The following CCSER1 variants were observed in gnomAD, a reference collection of about 807,000 sequenced individuals.
CCSER1 encodes serine-rich coiled-coil domain-containing protein 1.
In CCSER1, 41 loss-of-function variants were observed where a neutral mutation model predicts 82.0. That is an observed-to-expected ratio of 0.50 (90% CI 0.39 to 0.65). The LOEUF (loss-of-function observed/expected upper bound fraction) is 0.65, where lower values mean the gene tolerates loss of function less well. CCSER1 is among the 30% of genes least tolerant of loss of function. CCSER1 has a pLI of 0.00. For synonymous variants in CCSER1, 414 were observed against 383.9 expected, an observed-to-expected ratio of 1.08 and a Z score of -0.92; for missense variants, 1,119 against 1,064.2, an observed-to-expected ratio of 1.05 and a Z score of -0.72.
chr4:90,150,456 T>C (rs1726620507), intron 1 of CCSER1, among the ~76,000 whole-genome samples: 1 of 152,156 alleles, frequency 6.6e-6, no homozygotes, highest in Admixed American at 6.6e-5. Flanking sequence ...TGCATCTTGC[T>C]GCTTTAAGTA....
intron 7 of CCSER1, among the ~76,000 whole-genome samples, chr4:90,759,528 A>G (rs576111351): frequency 1.3e-5 from 2 of 152,306 alleles, no homozygotes; most frequent in African/African-American, 4.8e-5. Context: ...AACAAACAAA[A>G]TGATTTGTAG....
At chr4:90,334,353 A>C (rs576626610) in intron 3 of CCSER1, among the ~76,000 whole-genome samples, 2 of 151,630 alleles carry the variant, frequency 1.3e-5, no homozygotes, top group Non-Finnish European at 3.0e-5. Flanking sequence ...GCACAAACAG[A>C]TAGGCCTTCT....
At chr4:90,225,219 C>T (rs887038645) in intron 1 of CCSER1, among the ~76,000 whole-genome samples, 1 of 139,456 alleles carries the variant, frequency 7.2e-6, no homozygotes, top group African/African-American at 2.8e-5. Flanking sequence ...TGCACACCAG[C>T]ATACCCGGCT....
At chr4:90,133,002 C>T (rs546401231) in intron 1 of CCSER1, among the ~76,000 whole-genome samples, 1 of 152,046 alleles carries the variant, frequency 6.6e-6, no homozygotes, top group Non-Finnish European at 1.5e-5. Flanking sequence ...TGTTAAAATG[C>T]CATATCTGGA....
At chr4:90,182,808 A>C (rs1733958040) in intron 1 of CCSER1, among the ~76,000 whole-genome samples, 1 of 152,094 alleles carries the variant, frequency 6.6e-6, no homozygotes, top group Non-Finnish European at 1.5e-5. Context: ...CAGAAGGAAA[A>C]TTGCATTTGT....
intron 10 of CCSER1, among the ~76,000 whole-genome samples, chr4:91,509,401 C>G (rs1219936822): frequency 1.3e-5 from 2 of 151,970 alleles, no homozygotes; most frequent in African/African-American, 4.8e-5. Context: ...CAATTTTTCT[C>G]TTATTACATT....
At chr4:91,026,178 C>T (rs1212905166) in intron 9 of CCSER1, among the ~76,000 whole-genome samples, 2 of 152,200 alleles carry the variant, frequency 1.3e-5, no homozygotes, top group East Asian at 1.9e-4. Flanking sequence ...ACATGCATGA[C>T]ACCTAAAACT....
At chr4:91,208,017 T>A (rs556163789) in intron 10 of CCSER1, among the ~76,000 whole-genome samples, 1 of 152,014 alleles carries the variant, frequency 6.6e-6, no homozygotes, top group Non-Finnish European at 1.5e-5. Context: ...GTTGACCACA[T>A]GTATGTCTTC....
At chr4:90,849,534 A>G (rs1290488091) in intron 8 of CCSER1, among the ~76,000 whole-genome samples, 2 of 152,160 alleles carry the variant, frequency 1.3e-5, no homozygotes, top group African/African-American at 4.8e-5. Flanking sequence ...TCATGCCTGC[A>G]ATCCCAGCAC....
At chr4:91,101,554 G>A (rs1217430925) in intron 10 of CCSER1, among the ~76,000 whole-genome samples, 1 of 151,474 alleles carries the variant, frequency 6.6e-6, no homozygotes, top group East Asian at 2.0e-4. Flanking sequence ...GGAATCACTT[G>A]AACTCGGGAG....
At chr4:90,842,432 A>G (rs1370648157) in intron 8 of CCSER1, among the ~76,000 whole-genome samples, 1 of 152,178 alleles carries the variant, frequency 6.6e-6, no homozygotes, top group East Asian at 1.9e-4. Flanking sequence ...ATGTAGATGC[A>G]AAAATGGGTA....
chr4:91,404,566 A>G (rs1752564906), intron 10 of CCSER1, among the ~76,000 whole-genome samples: 1 of 152,126 alleles, frequency 6.6e-6, no homozygotes, highest in African/African-American at 2.4e-5. Context: ...ACTGCTTTAA[A>G]TGTGTCCCAG....
At chr4:90,480,298 T>C (rs951762771) in intron 5 of CCSER1, among the ~76,000 whole-genome samples, 8 of 152,200 alleles carry the variant, frequency 5.3e-5, no homozygotes, top group Non-Finnish European at 1.0e-4. Flanking sequence ...CATAAATAGG[T>C]TGCAAAAATT....
intron 10 of CCSER1, among the ~76,000 whole-genome samples, chr4:91,558,850 T>A (rs1362701138): frequency 2.6e-5 from 4 of 151,574 alleles, no homozygotes; most frequent in Non-Finnish European, 4.4e-5. Context: ...AAGTTGAGAT[T>A]TGGGTGAGGA....
At chr4:91,103,267 C>T (rs1011296036) in intron 10 of CCSER1, among the ~76,000 whole-genome samples, 1 of 152,090 alleles carries the variant, frequency 6.6e-6, no homozygotes, top group Admixed American at 6.5e-5. Context: ...AGCCATTGGT[C>T]GTCACTCAGC....
At chr4:90,205,513 A>G (rs1294894931) in intron 1 of CCSER1, among the ~76,000 whole-genome samples, 8 of 152,164 alleles carry the variant, frequency 5.3e-5, no homozygotes, top group South Asian at 2.1e-4. Context: ...TGATTTGCAT[A>G]TGTTGAACCA....
At chr4:91,478,069 G>A (rs1578566320) in intron 10 of CCSER1, among the ~76,000 whole-genome samples, 1 of 151,766 alleles carries the variant, frequency 6.6e-6, no homozygotes, top group Admixed American at 6.6e-5. Context: ...TTATAAGTTT[G>A]TAGCCATTGC....
In CCSER1 at chr4:91,602,360, CT is replaced by C. The variant is rs552480004; in HGVS notation, c.*3304del. 4.4e-3 allele frequency among the ~76,000 whole-genome samples: 673 copies of C among 151,966 alleles called. 8 individuals are homozygous for C. The highest frequency in any genetic ancestry group is 3.3e-3 in the Non-Finnish European group (227 of 67,866). ...TAATAGAGATAATAACCATACACCC[CT>C]CTCCAGAAAAAAGTTTTTAAAAATT... On this transcript the variant is annotated 3_prime_UTR_variant, in exon 11 of 11. Coordinates refer to ENST00000509176, the MANE Select transcript of CCSER1 (RefSeq NM_001145065.2).
At chr4:90,860,563 C>T (rs990840913) in intron 8 of CCSER1, among the ~76,000 whole-genome samples, 8 of 151,642 alleles carry the variant, frequency 5.3e-5, no homozygotes, top group Non-Finnish European at 1.2e-4. Flanking sequence ...TATATGTTCA[C>T]TTAAACCTGT....
Sources: gnomAD v4.1 joint callset for allele counts (sites outside exome capture counted in the v4.1 genomes callset) on GRCh38, gnomAD v4.1.1 for gene constraint, MANE v1.5 for transcripts, NCBI Gene and HGNC (gene_info 2026-07-23, HGNC 2026-07-21) for gene names.